Variants in ELP1 observed in about 807,000 individuals in gnomAD.
The protein encoded by ELP1 is elongator acetyltransferase complex subunit 1.
Under a neutral mutation model 183.2 loss-of-function variants are expected in ELP1, and 131 were observed. The observed-to-expected ratio is 0.72, with a 90% CI of 0.62 to 0.83. The LOEUF (loss-of-function observed/expected upper bound fraction) is 0.83, where lower values mean the gene tolerates loss of function less well. ELP1 is among the 40% of genes least tolerant of loss of function. The probability of loss-of-function intolerance (pLI) is 0.00; values close to 1 mark genes in which losing one functional copy is unlikely to be tolerated. For missense variants in ELP1, 1,550 were observed against 1,594.9 expected (o/e 0.97, Z 0.48); for synonymous variants, 555 against 569.0 (o/e 0.98, Z 0.35).
At chr9:108,904,976 G>T (rs1828964439) in intron 14 of ELP1, among the ~76,000 whole-genome samples, 1 of 152,098 alleles carries the variant, frequency 6.6e-6, no homozygotes, top group South Asian at 2.1e-4. Context: ...TCAAGCTTTT[G>T]CCTCTACAAG....
intron 29 of ELP1, among the ~76,000 whole-genome samples, chr9:108,885,218 T>C (rs1401379299): frequency 6.6e-6 from 1 of 151,672 alleles, no homozygotes; most frequent in Non-Finnish European, 1.5e-5. Context: ...AGAAAAATCA[T>C]AGAGAAAAAC....
rs199723919 is a variant in ELP1 at position 108,878,065 on chromosome 9, G to T, written c.3785C>A (p.Thr1262Lys). ...AAGTGACCTTTCCATCAACTGCAGC[G>T]TATCTTCAAAGGCCTTCTGTAATTC... The part of the protein sequence containing the change: ...GRELQKAFED[T>K]LQLMERSLPE... The change falls in exon 35 of 37, where the codon ACG becomes AAG. Residue 1262 changes from threonine to lysine, a missense_variant. By Grantham distance (78) the Thr-to-Lys change is moderately conservative (BLOSUM62 -1). Transcript: ENST00000374647. 6.2e-7 allele frequency: 1 copy of T among 1,613,842 alleles called. No homozygotes were observed. Among genetic ancestry groups the T allele is most frequent in the East Asian group, 2.2e-5 (1 of 44,868 alleles).
Position 108,918,818 on chromosome 9 carries a change from C to T in ELP1, c.733G>A (p.Ala245Thr). 1 of 1,613,050 alleles carries T rather than the reference C, an allele frequency of 6.2e-7. No individual in the cohort carries two copies. The highest frequency in any genetic ancestry group is 1.7e-4 in the Middle Eastern group (1 of 6,056). Residue 245 changes from alanine (A) to threonine (T), a missense_variant, in exon 8 of 37, where the codon GCT becomes ACT. By Grantham distance (58) the Ala-to-Thr change is moderately conservative. Transcript: ENST00000374647. ...EPVAGLGPAL[A>T]WKPSGSLIAS... ...GTTTCTTCTCCCACTCACTTCCAAG[C>T]CAGGGCTGGTCCCAGTCCTGCCACA...
intron 3 of ELP1, among the ~76,000 whole-genome samples, chr9:108,928,292 T>G (rs1270441739): frequency 6.6e-6 from 1 of 152,202 alleles, no homozygotes; most frequent in Admixed American, 6.5e-5. Flanking sequence ...AATAAATATC[T>G]TTTTCTTCCC....
intron 35 of ELP1, 114 bp from the exon 36 acceptor site, chr9:108,875,084 GT>G: frequency 1.3e-6 from 1 of 756,692 alleles, no homozygotes; most frequent in Non-Finnish European, 2.4e-6. Flanking sequence ...TACTGGTATG[GT>G]GTGAAACACA....
intron 28 of ELP1, among the ~76,000 whole-genome samples, chr9:108,890,404 G>A (rs1828278747): frequency 1.3e-5 from 2 of 152,154 alleles, no homozygotes; most frequent in African/African-American, 4.8e-5. Flanking sequence ...GATAGAGTTT[G>A]GAATTTTTTT....
rs1827322639 is a variant in ELP1 at position 108,868,667 on chromosome 9, G to C, written c.*448C>G. Reference sequence around the variant, plus strand: ...AAAGGATACTTTTTATTCTGCTTTAGTTTAAGGTGACAAGAAGCTATTTAA... The same window carrying C: ...AAAGGATACTTTTTATTCTGCTTTACTTTAAGGTGACAAGAAGCTATTTAA... On this transcript the variant is annotated 3_prime_UTR_variant, in exon 37 of 37. Coordinates refer to ENST00000374647, the MANE Select transcript of ELP1 (RefSeq NM_003640.5). 4.2e-6 allele frequency: 2 copies of C among 472,356 alleles called. No homozygotes were observed. The highest frequency in any genetic ancestry group is 7.4e-6 in the Non-Finnish European group (2 of 270,558). 29.3% of individuals were successfully genotyped at this position (472,356 alleles called of 1,614,324 possible).
chr9:108,926,698 A>G, intron 4 of ELP1, 95 bp from the exon 5 acceptor site: 1 of 853,306 alleles, frequency 1.2e-6, no homozygotes, highest in Non-Finnish European at 1.9e-6. Context: ...AGCTGGAGTT[A>G]GTCTGAACAG....
At chr9:108,923,037 C>A (rs1323929191) in intron 5 of ELP1, 110 bp from the exon 6 acceptor site, 1 of 819,518 alleles carries the variant, frequency 1.2e-6, no homozygotes, top group Non-Finnish European at 2.1e-6. Context: ...GGTCCTCTAA[C>A]GCCTCTCAAT....
chr9:108,919,209 A>T, intron 7 of ELP1, 44 bp downstream of exon 7: 1 of 1,396,786 alleles, frequency 7.2e-7, no homozygotes, highest in Non-Finnish European at 1.0e-6. Flanking sequence ...TTTTAATAAG[A>T]TAAAAATTTT....
At chr9:108,880,631 A>G (rs528228933) in intron 31 of ELP1, among the ~76,000 whole-genome samples, 9 of 152,322 alleles carry the variant, frequency 5.9e-5, no homozygotes, top group African/African-American at 2.2e-4. Flanking sequence ...GAAAAATAAC[A>G]CTAGTAGAAT....
intron 36 of ELP1, among the ~76,000 whole-genome samples, 179 bp downstream of exon 36, chr9:108,874,716 A>G (rs994671244): frequency 2.0e-5 from 3 of 152,240 alleles, no homozygotes; most frequent in African/African-American, 7.2e-5. Context: ...CCCCACCGCT[A>G]GAAGCATGAA....
chr9:108,883,704 G>A (rs1364742716), intron 29 of ELP1, among the ~76,000 whole-genome samples: 2 of 152,010 alleles, frequency 1.3e-5, no homozygotes, highest in African/African-American at 4.8e-5. Flanking sequence ...AGTAGTATAC[G>A]ATTATCTGAA....
intron 14 of ELP1, among the ~76,000 whole-genome samples, chr9:108,905,666 T>C (rs189556505): frequency 5.3e-5 from 8 of 152,286 alleles, no homozygotes; most frequent in Admixed American, 2.6e-4. Flanking sequence ...AAATGTGTTG[T>C]TAGGTGATTT....
At chr9:108,881,887 T>C in intron 30 of ELP1, 122 bp from the exon 31 acceptor site, 1 of 726,186 alleles carries the variant, frequency 1.4e-6, no homozygotes, top group South Asian at 1.6e-5. Flanking sequence ...AAAACAGGCC[T>C]CCTACAAGGC....
chr9:108,913,692 T>C (rs1829319144), intron 10 of ELP1, among the ~76,000 whole-genome samples: 1 of 152,040 alleles, frequency 6.6e-6, no homozygotes, highest in Non-Finnish European at 1.5e-5. Context: ...CTGTCACCCA[T>C]GCTGGAGTGC....
chr9:108,899,712 G>T, intron 20 of ELP1, 110 bp downstream of exon 20: 2 of 828,208 alleles, frequency 2.4e-6, no homozygotes, highest in South Asian at 1.5e-5. Context: ...GATGATATAG[G>T]TAATGAGGGC....
intron 14 of ELP1, among the ~76,000 whole-genome samples, chr9:108,904,268 G>C (rs1054749586): frequency 8.0e-6 from 1 of 125,596 alleles, no homozygotes; most frequent in Non-Finnish European, 1.6e-5. Context: ...TTTTTGGACA[G>C]TGTCTTGCTC....
At chr9:108,908,216 C>G in intron 13 of ELP1, 89 bp downstream of exon 13, 2 of 936,008 alleles carry the variant, frequency 2.1e-6, no homozygotes, top group Non-Finnish European at 3.5e-6. Context: ...CACTCAGCAA[C>G]AGGCATAGAA....
Sources: allele counts gnomAD v4.1 joint callset (sites outside exome capture counted in the v4.1 genomes callset), GRCh38; gene constraint gnomAD v4.1.1; transcripts MANE v1.5; gene names NCBI Gene and HGNC (gene_info 2026-07-23, HGNC 2026-07-21).